SUSD2: variants seen among roughly 807,000 people sequenced by gnomAD.
The protein encoded by SUSD2 is sushi domain-containing protein 2.
SUSD2 carries 86 observed loss-of-function variants against 93.8 expected under a neutral mutation model. The observed-to-expected ratio is 0.92, with a 90% confidence interval of 0.77 to 1.10. The LOEUF (loss-of-function observed/expected upper bound fraction) is 1.10, where lower values mean the gene tolerates loss of function less well. Among genes scored for constraint, SUSD2 ranks in the 50% least tolerant of loss-of-function variants. The pLI is 0.00. For synonymous variants in SUSD2, 483 were observed against 485.0 expected, an observed-to-expected ratio of 1.00 and a Z score of 0.05; for missense variants, 1,060 against 1,137.0, an observed-to-expected ratio of 0.93 and a Z score of 0.97.
intron 4 of SUSD2, 97 bp from the exon 5 acceptor site, chr22:24,184,655 AGGGGACCGCCTGGC>A: frequency 1.1e-6 from 1 of 889,786 alleles, no homozygotes; most frequent in Non-Finnish European, 1.7e-6. Flanking sequence ...GCCCCTCCTA[AGGGGACCGCCTGGC>A]GGTCCATCCA....
chr22:24,185,744 C>T lies in SUSD2; in HGVS notation c.1154C>T (p.Thr385Ile), dbSNP rs758728425. The change falls in exon 8 of 15, where the codon ACT (threonine) becomes ATT (isoleucine). Residue 385 changes from threonine to isoleucine, a missense_variant. This residue lies in a region of SUSD2 where 973 missense variants were observed against 1,005.3 expected (regional missense o/e 0.97). Transcript: ENST00000358321. ...ACAGCTGACTCCAGCGGCGGCAGCA[C>T]TCCCGACCGCGGCCATGACTGGGGC... ...LLTADSSGGS[T>I]PDRGHDWGAP... 1.4e-5 allele frequency: 22 copies of T among 1,608,884 alleles called. No homozygotes were observed. Among genetic ancestry groups the T allele is most frequent in the Non-Finnish European group, 1.7e-6 (2 of 1,178,652 alleles).
At chr22:24,182,130 A>G (rs1446794796) in intron 1 of SUSD2, among the ~76,000 whole-genome samples, 1 of 152,172 alleles carries the variant, frequency 6.6e-6, no homozygotes, top group South Asian at 2.1e-4. Context: ...CAGGCACTGC[A>G]CTTGGTGAAG....
Position 24,184,253 on chromosome 22 carries a change from C to T in SUSD2, c.557C>T (p.Ser186Leu), listed in dbSNP as rs749946904. ...GNLSLTWHVK[S>L]LPTQTITIEL... Reference sequence around the variant, plus strand: ...CTCAGCCTGACCTGGCATGTCAAGTCGCTGCCCACGCAGACCATCACCATC... The same window carrying T: ...CTCAGCCTGACCTGGCATGTCAAGTTGCTGCCCACGCAGACCATCACCATC... The change falls in exon 4 of 15, where the codon TCG becomes TTG. Residue 186 changes from serine (S) to leucine (L), a missense_variant. By Grantham distance (145) the Ser-to-Leu change is moderately radical. Coordinates refer to ENST00000358321, the MANE Select transcript of SUSD2 (RefSeq NM_019601.4). 3 of 1,613,578 alleles carry T rather than the reference C, an allele frequency of 1.9e-6. No homozygotes were observed. Among genetic ancestry groups the T allele is most frequent in the Admixed American group, 1.7e-5 (1 of 60,000 alleles).
chr22:24,185,421 T>G, intron 6 of SUSD2, 65 bp from the exon 7 acceptor site: 17 of 1,534,152 alleles, frequency 1.1e-5, no homozygotes, highest in Non-Finnish European at 1.4e-5. Context: ...CCCTGCAGGG[T>G]TGGCCTCAGG....
At chr22:24,184,626 C>T (rs185907790) in intron 4 of SUSD2, 140 bp from the exon 5 acceptor site, 30 of 691,860 alleles carry the variant, frequency 4.3e-5, no homozygotes, top group African/African-American at 2.3e-4. Context: ...TCACCCAAGC[C>T]GGGGTCCCTG....
Position 24,184,914 on chromosome 22 carries a change from C to G in SUSD2, c.756C>G (p.Ile252Met), listed in dbSNP as rs138408507. 2 of 1,613,450 alleles carry G rather than the reference C, an allele frequency of 1.2e-6. No individual in the cohort carries two copies. Among genetic ancestry groups the G allele is most frequent in the Non-Finnish European group, 1.7e-6 (2 of 1,179,830 alleles). The change falls in exon 5 of 15, where the codon ATC (isoleucine) becomes ATG (methionine). Residue 252 changes from isoleucine to methionine, a missense_variant. Transcript: ENST00000358321. ...GGCGAGTGGGTGCACTTCGGATCAT[C>G]GACAGCAAAAATTACGCAGGGCAGA... ...QRWRVGALRI[I>M]DSKNYAGQKD...
intron 5 of SUSD2, 55 bp downstream of exon 5, chr22:24,184,995 C>T (rs2047351870): frequency 1.9e-6 from 3 of 1,611,346 alleles, no homozygotes; most frequent in Admixed American, 1.7e-5. Context: ...GCCCGAGGCC[C>T]ATCATGCTTG....
At chr22:24,184,345 C>A (rs774780898) in intron 4 of SUSD2, 42 bp downstream of exon 4, 33 of 1,597,400 alleles carry the variant, frequency 2.1e-5, no homozygotes, top group Non-Finnish European at 2.7e-5. Flanking sequence ...GAGCTTTGGG[C>A]CCCCAGAGGG....
chr22:24,182,072 C>T (rs147224860), intron 1 of SUSD2, among the ~76,000 whole-genome samples: 10 of 152,310 alleles, frequency 6.6e-5, no homozygotes, highest in African/African-American at 1.4e-4. Context: ...GACCCCTGTG[C>T]GCCACCAAAT....
rs746668814 is a variant in SUSD2 at position 24,183,570 on chromosome 22, T to C, written c.363T>C (p.Tyr121=). The change falls in exon 3 of 15, where the codon TAT becomes TAC. Residue 121 remains tyrosine, a synonymous_variant. Coordinates refer to ENST00000358321, the MANE Select transcript of SUSD2 (RefSeq NM_019601.4). ...GQVHCVSPLL[Y]ESGRIPFTVS... ...TGCACTGTGTGTCACCTCTGCTCTATGAGAGCGGCCGCATCCCCTTCACTG... is the reference window on the plus strand; with the variant it reads ...TGCACTGTGTGTCACCTCTGCTCTACGAGAGCGGCCGCATCCCCTTCACTG... 1.2e-6 allele frequency: 2 copies of C among 1,613,488 alleles called. No homozygotes were observed. The highest frequency in any genetic ancestry group is 1.1e-5 in the South Asian group (1 of 91,090).
rs1428050925 is a variant in SUSD2 at position 24,188,659 on chromosome 22, G to A, written c.*223G>A. 5 of 557,070 alleles carry A rather than the reference G, an allele frequency of 9.0e-6. No homozygotes were observed. Among genetic ancestry groups the A allele is most frequent in the East Asian group, 2.9e-5 (1 of 34,422 alleles). The allele number at this position is 557,070 out of a possible 1,614,324, so 34.5% of individuals were successfully genotyped here. ...TCCGTGCTCTTCCCCAAATACTCAC[G>A]GCTCTAATTCCCCAAACCTGAAACT... is the stretch of plus-strand genomic sequence containing the variant. On this transcript the variant is annotated 3_prime_UTR_variant, in exon 15 of 15. Coordinates refer to ENST00000358321, the MANE Select transcript of SUSD2 (RefSeq NM_019601.4). The surrounding 1 kb of genome is among the most constrained non-coding windows in gnomAD (Gnocchi z 4.7).
At position 24,188,589 on chromosome 22, in the gene SUSD2, C is replaced by T; in HGVS notation, c.*153C>T. The stretch of plus-strand genomic sequence containing the variant: ...CTACTCTGTCATCTCAGACCCCAGG[C>T]AGGAGGCCCAGTGTTCCAACACCCA... On this transcript the variant is annotated 3_prime_UTR_variant, in exon 15 of 15. Transcript: ENST00000358321. The surrounding 1 kb of genome is among the most constrained non-coding windows in gnomAD (Gnocchi z 4.7). The T allele has an allele frequency of 1.4e-6, 1 of 697,984 alleles. No homozygotes were observed. Among genetic ancestry groups the T allele is most frequent in the Non-Finnish European group, 2.4e-6 (1 of 417,816 alleles). 43.2% of individuals were successfully genotyped at this position (697,984 alleles called of 1,614,324 possible).
In SUSD2 at chr22:24,184,801, TCGTAC is replaced by T; in HGVS notation, c.645_649del (p.Tyr216ValfsTer63). ...CTCACAGGAGTGGACTGCAAAGTGG[TCGTAC>T]CTGTACCCCCTGGCCACACACATCC... On this transcript the variant is annotated frameshift_variant, in exon 5 of 15. Transcript: ENST00000358321. LOFTEE classifies it high-confidence loss of function. 6.2e-7 allele frequency: 1 copy of T among 1,610,516 alleles called. No homozygotes were observed. Among genetic ancestry groups the T allele is most frequent in the Non-Finnish European group, 8.5e-7 (1 of 1,178,408 alleles).
At chr22:24,181,626 C>A in intron 1 of SUSD2, 31 bp downstream of exon 1, 1 of 1,531,358 alleles carries the variant, frequency 6.5e-7, no homozygotes, top group East Asian at 2.4e-5. Context: ...GTGTCCCCGT[C>A]TGTCTGTCCA....
chr22:24,185,888 G>T lies in SUSD2; in HGVS notation c.1298G>T (p.Arg433Leu), dbSNP rs545459719. The T allele has an allele frequency of 6.3e-7, 1 of 1,583,766 alleles. No homozygotes were observed. Among genetic ancestry groups the T allele is most frequent in the Non-Finnish European group, 8.6e-7 (1 of 1,162,750 alleles). Residue 433 changes from arginine (R) to leucine (L), a missense_variant, in exon 8 of 15, where the codon CGG (arginine) becomes CTG (leucine). Coordinates refer to ENST00000358321, the MANE Select transcript of SUSD2 (RefSeq NM_019601.4). ...APDCPRYMQR[R>L]PSNDCRNYRP... The stretch of plus-strand genomic sequence containing the variant: ...GACTGCCCCCGCTACATGCAACGGC[G>T]GCCCTCCAATGACTGCCGCAACTAC...
At position 24,188,295 on chromosome 22, in the gene SUSD2, C is replaced by G. The variant is rs2047384662; in HGVS notation, c.2412C>G (p.Val804=). 2 of 1,606,410 alleles carry G rather than the reference C, an allele frequency of 1.2e-6. No individual in the cohort carries two copies. Among genetic ancestry groups the G allele is most frequent in the Non-Finnish European group, 1.7e-6 (2 of 1,176,968 alleles). Residue 804 remains valine (V), a synonymous_variant, in exon 14 of 15, where the codon GTC becomes GTG. Transcript: ENST00000358321. This position sits in a 1 kb window ranked among gnomAD's most constrained non-coding sequence, Gnocchi z 4.7. The part of the protein sequence containing the change: ...GLAVVAAVAL[V]YVLLRRRKGN... ...CGGTGGTGGCGGCGGTTGCGCTCGT[C>G]TATGTGCTGCTGCGCCGCAGGAAGG...
At position 24,184,711 on chromosome 22, in the gene SUSD2, C is replaced by T; in HGVS notation, c.608-55C>T. 6 of 1,461,134 alleles carry T rather than the reference C, an allele frequency of 4.1e-6. 1 individual carries two copies. The South Asian group carries it at 6.7e-5, about 16-fold the overall frequency. The allele number at this position is 1,461,134 out of a possible 1,614,324, so 90.5% of individuals were successfully genotyped here. On this transcript the variant is annotated intron_variant, in intron 4 of 14. Transcript: ENST00000358321. ...TGTCAGGCTGCTGTAGGTGGCAAGG[C>T]CTGGGGCCAGGCCTCGAAGGAACCC...
At position 24,183,524 on chromosome 22, in the gene SUSD2, A is replaced by C; in HGVS notation, c.317A>C (p.His106Pro). The C allele has an allele frequency of 6.2e-7, 1 of 1,613,040 alleles. No individual in the cohort carries two copies. The highest frequency in any genetic ancestry group is 8.5e-7 in the Non-Finnish European group (1 of 1,179,934). The part of the protein sequence containing the change: ...RFKDSIQTLG[H>P]VDSSGQVHCV... ...AAGGACAGCATCCAGACCCTCGGCC[A>C]TGTGGACTCCTCCGGGCAAGTGCAC... Residue 106 changes from histidine to proline, a missense_variant, in exon 3 of 15, where the codon CAT becomes CCT. His to Pro is a moderately conservative substitution (Grantham distance 77). Coordinates refer to ENST00000358321, the MANE Select transcript of SUSD2 (RefSeq NM_019601.4).
chr22:24,181,590 C>T lies in SUSD2; in HGVS notation c.71C>T (p.Thr24Ile). The change falls in exon 1 of 15, where the codon ACA becomes ATA. Residue 24 changes from threonine to isoleucine, a missense_variant. Physicochemically the swap from Thr to Ile is moderately conservative, Grantham distance 89. This residue lies in a region of SUSD2 where 87 missense variants were observed against 131.6 expected (regional missense o/e 0.66). Coordinates refer to ENST00000358321, the MANE Select transcript of SUSD2 (RefSeq NM_019601.4). ...ATALGPGPGP[T>I]ADAQESCSMR... is the part of the protein sequence containing the mutation. ...GCCCTCGGCCCGGGCCCCGGACCCA[C>T]AGCAGGTATGCCTCCCTGCCCTTCT... 22 of 1,597,896 alleles carry T rather than the reference C, an allele frequency of 1.4e-5. No individual in the cohort carries two copies. Among genetic ancestry groups the T allele is most frequent in the Non-Finnish European group, 1.9e-5 (22 of 1,173,816 alleles).
Sources: allele counts gnomAD v4.1 joint callset (sites outside exome capture counted in the v4.1 genomes callset), GRCh38; gene constraint gnomAD v4.1.1; regional missense constraint gnomAD v4.1.1; non-coding constraint Gnocchi (gnomAD v3.1); transcripts MANE v1.5; gene names NCBI Gene and HGNC (gene_info 2026-07-23, HGNC 2026-07-21).